TENM2: variants seen among roughly 807,000 people sequenced by gnomAD.
TENM2 encodes teneurin-2.
In TENM2, 52 loss-of-function variants were observed where a neutral mutation model predicts 245.2. The observed-to-expected ratio is 0.21, with a 90% CI of 0.17 to 0.27. The LOEUF is 0.27. TENM2 is among the 10% of genes least tolerant of loss of function. The pLI is 1.00. For missense variants in TENM2, 3,046 were observed against 3,666.8 expected, an observed-to-expected ratio of 0.83 and a Z score of 4.37; for synonymous variants, 1,363 against 1,438.9, an observed-to-expected ratio of 0.95 and a Z score of 1.19.
At chr5:167,742,507 G>A (rs1761251875) in intron 2 of TENM2, among the ~76,000 whole-genome samples, 2 of 152,016 alleles carry the variant, frequency 1.3e-5, no homozygotes, top group South Asian at 4.1e-4. Context: ...TGGTTAGTAT[G>A]TTAGCAGCTC....
At chr5:167,989,236 T>C (rs1783473443) in intron 4 of TENM2, among the ~76,000 whole-genome samples, 1 of 145,146 alleles carries the variant, frequency 6.9e-6, no homozygotes, top group African/African-American at 2.5e-5. Flanking sequence ...TATTTATAAA[T>C]AGAATGTAGA....
At chr5:167,105,839 G>C in the TENM2 span, among the ~76,000 whole-genome samples, 2 of 123,504 alleles carry the variant, frequency 1.6e-5, no homozygotes, top group East Asian at 2.6e-4. Flanking sequence ...AGTGAGCCGA[G>C]ATCCCGCCAC....
At chr5:167,331,679 C>A (rs1184082821) in intron 1 of TENM2, among the ~76,000 whole-genome samples, 1 of 152,156 alleles carries the variant, frequency 6.6e-6, no homozygotes, top group Non-Finnish European at 1.5e-5. Context: ...AAATGCAACT[C>A]TTCAAGAGAT....
At chr5:167,787,235 G>C (rs1229676847) in intron 2 of TENM2, among the ~76,000 whole-genome samples, 1 of 152,016 alleles carries the variant, frequency 6.6e-6, no homozygotes. Context: ...TTCTTTTGTT[G>C]GTCTTACATT....
chr5:167,345,676 C>G (rs774167558), intron 1 of TENM2, among the ~76,000 whole-genome samples: 1 of 151,848 alleles, frequency 6.6e-6, no homozygotes, highest in Non-Finnish European at 1.5e-5. Context: ...TCACATAGGC[C>G]CCACTACTGC....
rs150810079 is a variant in TENM2, at chr5:167,546,250, T to A, written c.502+170777T>A. Among the ~76,000 whole-genome samples, 68 of 152,312 alleles carry A rather than the reference T, an allele frequency of 4.5e-4. 1 individual carries two copies. The East Asian group carries it at 0.012, about 28-fold the overall frequency. On this transcript the variant is annotated intron_variant, in intron 2 of 28. Transcript: ENST00000518659. ...ATCCGGGCCAAGTTATTCATCTCAA[T>A]TGTTGTGGGGCTACACATAGCATGT... is the stretch of plus-strand genomic sequence containing the variant.
At chr5:168,195,419 C>A in intron 15 of TENM2, 124 bp downstream of exon 17, 1 of 1,134,440 alleles carries the variant, frequency 8.8e-7, no homozygotes. Context: ...CCAGGCCTGT[C>A]CCCTAGTGAG....
intron 1 of TENM2, among the ~76,000 whole-genome samples, chr5:167,286,899 C>T (rs1270920337): frequency 6.6e-6 from 1 of 152,154 alleles, no homozygotes; most frequent in African/African-American, 2.4e-5. Flanking sequence ...TAGTCTTGTT[C>T]CCCTCCATTG....
chr5:167,719,996 AGG>A (rs1168014301), intron 2 of TENM2, among the ~76,000 whole-genome samples: 1 of 149,870 alleles, frequency 6.7e-6, no homozygotes, highest in African/African-American at 2.5e-5. Flanking sequence ...GGTTAAAAAG[AGG>A]GGGGGGCTTG....
the TENM2 span, among the ~76,000 whole-genome samples, chr5:166,980,032 A>G: frequency 1.2e-4 from 18 of 152,340 alleles, no homozygotes; most frequent in East Asian, 3.5e-3. Flanking sequence ...AAATTGCAGG[A>G]GGAATCATTT....
the TENM2 span, among the ~76,000 whole-genome samples, chr5:167,223,290 CTTGT>C: frequency 3.9e-5 from 6 of 152,092 alleles, no homozygotes; most frequent in Non-Finnish European, 7.4e-5. Flanking sequence ...CTTCTATCAA[CTTGT>C]TTGTTTGTAC....
intron 9 of TENM2, among the ~76,000 whole-genome samples, chr5:168,106,797 A>G (rs1474369719): frequency 6.6e-6 from 1 of 152,232 alleles, no homozygotes; most frequent in East Asian, 1.9e-4. Context: ...GCAGTGGCTC[A>G]CGCCTGTAAT....
In TENM2 at chr5:168,195,313, G is replaced by T. The variant is rs562107433; in HGVS notation, c.2900+18G>T. ...GATGGCACGTGAGTAGCTTTGTGGGGCTCGGACCTACTCAGGACCACACGT... is the reference window on the plus strand; with the variant it reads ...GATGGCACGTGAGTAGCTTTGTGGGTCTCGGACCTACTCAGGACCACACGT... On this transcript the variant is annotated intron_variant, in intron 15 of 28. Coordinates refer to ENST00000518659, the Ensembl canonical transcript of TENM2. 7.0e-6 allele frequency: 11 copies of T among 1,567,456 alleles called. No homozygotes were observed. The South Asian group carries it at 1.3e-4, about 18-fold the overall frequency.
intron 3 of TENM2, among the ~76,000 whole-genome samples, chr5:167,930,524 G>C (rs567899901): frequency 6.6e-6 from 1 of 151,808 alleles, no homozygotes; most frequent in Non-Finnish European, 1.5e-5. Context: ...GCACAGGCTG[G>C]AGTGCAATGG....
intron 2 of TENM2, among the ~76,000 whole-genome samples, chr5:167,726,948 G>A (rs1367653193): frequency 6.6e-6 from 1 of 152,064 alleles, no homozygotes; most frequent in Non-Finnish European, 1.5e-5. Context: ...GAAAGAATAA[G>A]TCTTCATGAT....
chr5:168,211,842 ATGT>A (rs1239218068), intron 20 of TENM2, 88 bp downstream of exon 22: 4 of 798,584 alleles, frequency 5.0e-6, no homozygotes, highest in East Asian at 5.8e-5. Flanking sequence ...TTCTTGTGTA[ATGT>A]TGTATATTTT....
intron 14 of TENM2, among the ~76,000 whole-genome samples, chr5:168,192,927 T>G (rs1041295806): frequency 6.6e-6 from 1 of 152,216 alleles, no homozygotes; most frequent in African/African-American, 2.4e-5. Context: ...TTTCCTGATA[T>G]TCTCCCTTTC....
At chr5:168,238,126 T>C (rs1205969700) in intron 25 of TENM2, among the ~76,000 whole-genome samples, 2 of 124,994 alleles carry the variant, frequency 1.6e-5, no homozygotes, top group South Asian at 2.5e-4. Context: ...GCCTGGGAGA[T>C]AGAGTGAGAC....
intron 2 of TENM2, among the ~76,000 whole-genome samples, chr5:167,582,028 C>A (rs12518637): frequency 0.02 from 3,007 of 152,060 alleles, 75 homozygotes; most frequent in East Asian, 0.072. Flanking sequence ...TAAATATAGG[C>A]AGGTATGATT....
Sources: gnomAD v4.1 joint callset for allele counts (sites outside exome capture counted in the v4.1 genomes callset) on GRCh38, gnomAD v4.1.1 for gene constraint, MANE v1.5 for transcripts, NCBI Gene and HGNC (gene_info 2026-07-23, HGNC 2026-07-21) for gene names.